The following MMRN2 variants were observed in gnomAD, a reference collection of about 807,000 sequenced individuals.
MMRN2 encodes multimerin-2.
A neutral mutation model predicts 68.8 loss-of-function variants in MMRN2; 53 were observed. That is an observed-to-expected ratio of 0.77 (90% CI 0.62 to 0.97). MMRN2 has a LOEUF of 0.97. MMRN2 is among the 50% of genes least tolerant of loss of function. The probability of loss-of-function intolerance (pLI) is 0.00; values close to 1 mark genes in which losing one functional copy is unlikely to be tolerated. For synonymous variants in MMRN2, 564 were observed against 551.6 expected (o/e 1.02, Z -0.32); for missense variants, 1,266 against 1,259.5 (o/e 1.01, Z -0.08).
At chr10:86,941,811 A>AAG (rs1843972018) in intron 6 of MMRN2, among the ~76,000 whole-genome samples, 1 of 145,648 alleles carries the variant, frequency 6.9e-6, no homozygotes. Flanking sequence ...AAAAAAAAAA[A>AAG]AAAAGAAAAG....
Position 86,942,599 on chromosome 10 carries a change from A to C in MMRN2, c.2185T>G (p.Ser729Ala). The C allele has an allele frequency of 6.2e-7, 1 of 1,608,398 alleles. No homozygotes were observed. The change falls in exon 6 of 7, where the codon TCC (serine) becomes GCC (alanine). Residue 729 changes from serine (S) to alanine (A), a missense_variant. By Grantham distance (99) the Ser-to-Ala change is moderately conservative (BLOSUM62 1). Transcript: ENST00000372027. ...AGTGCGTTGTGGAGGCCGTGAAGGG[A>C]GGCGTTGAGGGAGGCGGCCCCGGCC... ...AGAGAASLNA[S>A]LHGLHNALFA...
chr10:86,942,695 G>A lies in MMRN2; in HGVS notation c.2089C>T (p.Leu697=). The part of the protein sequence containing the change: ...EEAATTALAG[L]ARELQSLSND... ...CTCAGGCTCTGGAGCTCCCGCGCCA[G>A]CCCGGCCAGGGCGGTGGTGGCGGCC... The change falls in exon 6 of 7, where the codon CTG becomes TTG. Residue 697 remains leucine, a synonymous_variant. Transcript: ENST00000372027. 6.4e-7 allele frequency: 1 copy of A among 1,564,128 alleles called. No homozygotes were observed. The highest frequency in any genetic ancestry group is 1.2e-5 in the South Asian group (1 of 86,544).
In MMRN2 at chr10:86,945,614, G is replaced by A. The variant is rs1189309454; in HGVS notation, c.240C>T (p.His80=). The A allele has an allele frequency of 5.6e-6, 9 of 1,613,458 alleles. No individual in the cohort carries two copies. The highest frequency in any genetic ancestry group is 7.6e-6 in the Non-Finnish European group (9 of 1,179,790). The change falls in exon 2 of 7, where the codon CAC becomes CAT. Residue 80 remains histidine, a synonymous_variant. Transcript: ENST00000372027. The part of the protein sequence containing the change: ...ALCKTEKFLI[H]SQQPCPQGAP... ...CTCCCTGCGGACACGGCTGCTGCGA[G>A]TGGATGAGGAATTTCTCTGTTTTGC...
intron 1 of MMRN2, 81 bp downstream of exon 1, chr10:86,957,297 A>T: frequency 1.4e-6 from 2 of 1,421,968 alleles, no homozygotes; most frequent in Non-Finnish European, 2.0e-6. Context: ...GACCCCAGTG[A>T]GGTCTAGAGA....
chr10:86,939,960 C>T (rs556208714), intron 6 of MMRN2, among the ~76,000 whole-genome samples: 1 of 151,908 alleles, frequency 6.6e-6, no homozygotes, highest in African/African-American at 2.4e-5. Flanking sequence ...AAGCGATTCT[C>T]CTGCCTCAGC....
At chr10:86,942,263 G>A in intron 6 of MMRN2, 54 bp downstream of exon 6, 1 of 1,527,766 alleles carries the variant, frequency 6.5e-7, no homozygotes. Context: ...AGAGCTGCCG[G>A]CAGCCGGCCC....
At chr10:86,938,086 CA>C (rs1843906243) in intron 6 of MMRN2, among the ~76,000 whole-genome samples, 1 of 152,192 alleles carries the variant, frequency 6.6e-6, no homozygotes, top group African/African-American at 2.4e-5. Context: ...AGGCATACGC[CA>C]TCATGCCTGG....
Position 86,936,778 on chromosome 10 carries a change from T to G in MMRN2, c.2815A>C (p.Thr939Pro). 6.2e-7 allele frequency: 1 copy of G among 1,614,186 alleles called. No individual in the cohort carries two copies. The highest frequency in any genetic ancestry group is 8.5e-7 in the Non-Finnish European group (1 of 1,180,018). The change falls in exon 7 of 7, where the codon ACT becomes CCT. Residue 939 changes from threonine (T) to proline (P), a missense_variant. Coordinates refer to ENST00000372027, the MANE Select transcript of MMRN2 (RefSeq NM_024756.3). ...GSITKRSLSG[T>P]AFGGFLMFKT ...AACATCAGGAAGCCCCCAAATGCAG[T>G]GCCCGACAGGCTTCTCTTTGTTATT...
chr10:86,945,293 G>T, intron 3 of MMRN2, 25 bp from the exon 4 acceptor site: 1 of 1,612,900 alleles, frequency 6.2e-7, no homozygotes, highest in South Asian at 1.1e-5. Flanking sequence ...ATTAGTTATT[G>T]ACCCCAGTGG....
rs1265377951 is a variant in MMRN2, at chr10:86,945,472, G to A, written c.298C>T (p.Arg100Cys). Reference protein sequence around the residue: ...PDCQKVKVMYRMAHKPVYQVK... With the variant: ...PDCQKVKVMYCMAHKPVYQVK... ...TGGTACACTGGCTTGTGGGCCATGC[G>A]GTACCTGGAAGAGGAGAAGGGCTGG... Residue 100 changes from arginine (R) to cysteine (C), a missense_variant, in exon 3 of 7, where the codon CGC becomes TGC. Coordinates refer to ENST00000372027, the MANE Select transcript of MMRN2 (RefSeq NM_024756.3). 9.6e-6 allele frequency: 15 copies of A among 1,556,918 alleles called. No individual in the cohort carries two copies. Among genetic ancestry groups the A allele is most frequent in the Non-Finnish European group, 1.2e-5 (14 of 1,149,906 alleles).
At chr10:86,942,279 TC>T in intron 6 of MMRN2, 37 bp downstream of exon 6, 1 of 1,562,330 alleles carries the variant, frequency 6.4e-7, no homozygotes, top group Non-Finnish European at 8.7e-7. Flanking sequence ...GGCCCTGGCC[TC>T]CTAGGCTCGT....
At chr10:86,949,120 GA>G (rs1201804886) in intron 1 of MMRN2, 1 of 152,168 alleles carries the variant, frequency 6.6e-6, no homozygotes, top group Non-Finnish European at 1.5e-5. Context: ...TTCCAGAGAG[GA>G]AAACCAAGAC....
chr10:86,937,948 T>G (rs900198785), intron 6 of MMRN2, among the ~76,000 whole-genome samples: 20 of 152,162 alleles, frequency 1.3e-4, no homozygotes, highest in African/African-American at 1.9e-4. Context: ...TGGTCTTCTT[T>G]TTTTTAGTTG....
At position 86,942,969 on chromosome 10, in the gene MMRN2, C is replaced by A. The variant is rs1479026619; in HGVS notation, c.1815G>T (p.Arg605=). The A allele has an allele frequency of 2.7e-6, 4 of 1,492,196 alleles. No homozygotes were observed. Among genetic ancestry groups the A allele is most frequent in the African/African-American group, 2.9e-5 (2 of 68,872 alleles). The allele number at this position is 1,492,196 out of a possible 1,614,324, so 92.4% of individuals were successfully genotyped here. The part of the protein sequence containing the change: ...AFAALLEDAL[R]HEAVLAALFG... Reference sequence around the variant, plus strand: ...AGAGCGCGGCCAGCACCGCCTCGTGCCGCAGCGCGTCCTCCAGCAGGGCGG... The same window carrying A: ...AGAGCGCGGCCAGCACCGCCTCGTGACGCAGCGCGTCCTCCAGCAGGGCGG... Residue 605 remains arginine (R), a synonymous_variant, in exon 6 of 7, where the codon CGG becomes CGT. Transcript: ENST00000372027.
At chr10:86,939,336 C>T (rs1011736320) in intron 6 of MMRN2, among the ~76,000 whole-genome samples, 1 of 151,184 alleles carries the variant, frequency 6.6e-6, no homozygotes, top group Non-Finnish European at 1.5e-5. Context: ...GTGGCAGGCG[C>T]CTGTAATCCT....
intron 1 of MMRN2, among the ~76,000 whole-genome samples, chr10:86,952,039 A>G (rs1371177049): frequency 6.6e-6 from 1 of 152,180 alleles, no homozygotes; most frequent in Non-Finnish European, 1.5e-5. Context: ...GCCCTGTCTC[A>G]AAAGAAAAAA....
chr10:86,951,254 C>T (rs1844139921), intron 1 of MMRN2, among the ~76,000 whole-genome samples: 1 of 152,200 alleles, frequency 6.6e-6, no homozygotes, highest in African/African-American at 2.4e-5. Flanking sequence ...CTTATAGAAC[C>T]AGTTGACTCC....
intron 1 of MMRN2, 62 bp downstream of exon 1, chr10:86,957,316 T>G: frequency 6.4e-7 from 1 of 1,566,006 alleles, no homozygotes; most frequent in Non-Finnish European, 8.8e-7. Context: ...GAGGCTCTGC[T>G]CTAGCTGAGC....
chr10:86,944,508 G>C, intron 4 of MMRN2, 73 bp from the exon 5 acceptor site: 1 of 1,535,524 alleles, frequency 6.5e-7, no homozygotes, highest in Middle Eastern at 2.3e-4. Flanking sequence ...TTCAGAGAAG[G>C]AGAGTTGAAG....
Sources: allele counts gnomAD v4.1 joint callset (sites outside exome capture counted in the v4.1 genomes callset), GRCh38; gene constraint gnomAD v4.1.1; transcripts MANE v1.5; gene names NCBI Gene and HGNC (gene_info 2026-07-23, HGNC 2026-07-21).